The following PRIM2 variants were observed in gnomAD, a reference collection of about 807,000 sequenced individuals.
PRIM2 encodes DNA primase large subunit.
PRIM2 carries 39 observed loss-of-function variants against 67.3 expected under a neutral mutation model. That is an observed-to-expected ratio of 0.58 (90% CI 0.45 to 0.76). PRIM2 has a LOEUF of 0.76. Among genes scored for constraint, PRIM2 ranks in the 30% least tolerant of loss-of-function variants. The pLI, the probability that PRIM2 is intolerant of heterozygous loss-of-function variation, is 0.00. For missense variants in PRIM2, 398 were observed against 598.7 expected, an observed-to-expected ratio of 0.66 and a Z score of 3.50; for synonymous variants, 143 against 198.7, an observed-to-expected ratio of 0.72 and a Z score of 2.36.
At chr6:57,425,408 G>A (rs1233784810) in intron 7 of PRIM2, among the ~76,000 whole-genome samples, 1 of 151,944 alleles carries the variant, frequency 6.6e-6, no homozygotes, top group African/African-American at 2.4e-5. Context: ...GTAGAGATGG[G>A]GTTTCACCAT....
At chr6:57,278,827 A>G in the PRIM2 span, among the ~76,000 whole-genome samples, 1 of 152,220 alleles carries the variant, frequency 6.6e-6, no homozygotes, top group African/African-American at 2.4e-5. Flanking sequence ...TTTATGAACA[A>G]AGCTACAGAC....
chr6:57,535,076 AG>A (rs1198127061), intron 9 of PRIM2, among the ~76,000 whole-genome samples: 7 of 152,116 alleles, frequency 4.6e-5, no homozygotes, highest in African/African-American at 1.7e-4. Flanking sequence ...CTGGTTCCCC[AG>A]GGCTGTACAC....
At chr6:57,433,762 C>T (rs552902881) in intron 7 of PRIM2, among the ~76,000 whole-genome samples, 1 of 152,224 alleles carries the variant, frequency 6.6e-6, no homozygotes, top group African/African-American at 2.4e-5. Flanking sequence ...ATTTGGTTTA[C>T]AGTGTGTAGC....
chr6:57,462,409 G>A (rs1773038341), intron 7 of PRIM2, among the ~76,000 whole-genome samples: 1 of 152,194 alleles, frequency 6.6e-6, no homozygotes, highest in Non-Finnish European at 1.5e-5. Flanking sequence ...TTGTAATTGT[G>A]TACTAGTGTT....
intron 10 of PRIM2, among the ~76,000 whole-genome samples, chr6:57,589,152 G>A (rs1392654350): frequency 1.3e-5 from 2 of 152,148 alleles, no homozygotes; most frequent in African/African-American, 4.8e-5. Context: ...CAACCAACAG[G>A]CAGATAAGTT....
chr6:57,324,565 G>T (rs924629945), intron 4 of PRIM2, among the ~76,000 whole-genome samples: 9 of 152,156 alleles, frequency 5.9e-5, no homozygotes, highest in African/African-American at 2.2e-4. Flanking sequence ...TTATTGGGAA[G>T]AAGGACTTTT....
the PRIM2 span, among the ~76,000 whole-genome samples, chr6:57,238,444 A>C: frequency 6.6e-6 from 1 of 152,242 alleles, no homozygotes; most frequent in Non-Finnish European, 1.5e-5. Flanking sequence ...GAAACTGAAC[A>C]ACCTGCTCCT....
At chr6:57,550,098 C>T (rs1352928641) in intron 10 of PRIM2, among the ~76,000 whole-genome samples, 48 of 151,808 alleles carry the variant, frequency 3.2e-4, no homozygotes, top group South Asian at 2.1e-4. Flanking sequence ...CCCTAAACCC[C>T]CCTCAAAAAA....
intron 5 of PRIM2, among the ~76,000 whole-genome samples, chr6:57,330,383 G>GTTTTTT (rs60270076): frequency 1.0e-5 from 1 of 99,554 alleles, no homozygotes; most frequent in Non-Finnish European, 1.9e-5. Context: ...TTGTTTTTTT[G>GTTTTTT]TTTTTTTTTT....
intron 9 of PRIM2, among the ~76,000 whole-genome samples, 183 bp from the exon 10 acceptor site, chr6:57,537,257 A>G (rs1775020235): frequency 2.0e-5 from 3 of 152,166 alleles, no homozygotes; most frequent in Non-Finnish European, 1.5e-5. Flanking sequence ...AACCAGTAAA[A>G]AATGTTAATA....
At chr6:57,504,364 A>G (rs1393687559) in intron 7 of PRIM2, among the ~76,000 whole-genome samples, 6 of 152,214 alleles carry the variant, frequency 3.9e-5, no homozygotes, top group Admixed American at 6.5e-5. Context: ...ATAGATGTCA[A>G]AGGGCAAAAT....
intron 7 of PRIM2, among the ~76,000 whole-genome samples, chr6:57,396,546 T>C (rs1770521522): frequency 6.6e-6 from 1 of 152,184 alleles, no homozygotes; most frequent in Non-Finnish European, 1.5e-5. Flanking sequence ...TGAGTCCTTA[T>C]GTGTTAGGTG....
intron 10 of PRIM2, among the ~76,000 whole-genome samples, chr6:57,577,061 A>G (rs1428004742): frequency 6.6e-6 from 1 of 152,180 alleles, no homozygotes; most frequent in Non-Finnish European, 1.5e-5. Flanking sequence ...TTCCCCAAAA[A>G]CTGCATATTT....
At chr6:57,433,322 C>G (rs563333980) in intron 7 of PRIM2, among the ~76,000 whole-genome samples, 1 of 152,052 alleles carries the variant, frequency 6.6e-6, no homozygotes, top group East Asian at 1.9e-4. Context: ...ATGTGCCATG[C>G]TGGTGTGCTG....
At chr6:57,330,360 TG>T (rs67675115) in intron 5 of PRIM2, among the ~76,000 whole-genome samples, 1,085 of 81,902 alleles carry the variant, frequency 0.013, 40 homozygotes, top group African/African-American at 0.045. Context: ...TTTTTTTTTT[TG>T]TTTTTGTTTT....
chr6:57,320,220 T>C (rs921679579), intron 2 of PRIM2, among the ~76,000 whole-genome samples: 2 of 152,130 alleles, frequency 1.3e-5, no homozygotes, highest in Non-Finnish European at 2.9e-5. Flanking sequence ...CCCTCTTCCC[T>C]GATTGAGAAT....
chr6:57,591,874 G>A (rs1280544577), intron 10 of PRIM2, among the ~76,000 whole-genome samples: 2 of 151,816 alleles, frequency 1.3e-5, no homozygotes, highest in Admixed American at 1.3e-4. Flanking sequence ...GTACTTTTAT[G>A]TTTATCACAG....
chr6:57,274,164 G>T, the PRIM2 span, among the ~76,000 whole-genome samples: 47,156 of 150,770 alleles, frequency 0.31, 7,204 homozygotes, highest in East Asian at 0.59. Context: ...TGTCAGACAG[G>T]GACATTTATG....
At chr6:57,245,173 A>G in the PRIM2 span, among the ~76,000 whole-genome samples, 1 of 152,196 alleles carries the variant, frequency 6.6e-6, no homozygotes, top group Non-Finnish European at 1.5e-5. Flanking sequence ...TATGGTGCCC[A>G]GGATGGTCCC....
Sources: gnomAD v4.1 joint callset for allele counts (sites outside exome capture counted in the v4.1 genomes callset) on GRCh38, gnomAD v4.1.1 for gene constraint, MANE v1.5 for transcripts, NCBI Gene and HGNC (gene_info 2026-07-23, HGNC 2026-07-21) for gene names.